Variants in TTN observed in about 807,000 individuals in gnomAD.
TTN encodes titin, also known as connectin.
In TTN, 1,525 loss-of-function variants were observed where a neutral mutation model predicts 3,223.0. The ratio of observed to expected loss-of-function variants is 0.47; its 90% CI spans 0.45 to 0.49. The LOEUF is 0.49. Among genes scored for constraint, TTN ranks in the 20% least tolerant of loss-of-function variants. TTN has a pLI of 0.00. For synonymous variants in TTN, 14,094 were observed against 15,161.0 expected (o/e 0.93, Z 5.17); for missense variants, 40,786 against 43,424.0 (o/e 0.94, Z 5.40).
At position 178,592,943 on chromosome 2, in the gene TTN, C is replaced by T. The variant is rs1356102019; in HGVS notation, c.59176G>A (p.Glu19726Lys). 3.1e-6 allele frequency: 5 copies of T among 1,613,410 alleles called. No individual in the cohort carries two copies. Among genetic ancestry groups the T allele is most frequent in the Non-Finnish European group, 4.2e-6 (5 of 1,179,606 alleles). Residue 19726 changes from glutamate to lysine, a missense_variant, in exon 300 of 363, where the codon GAG becomes AAG. By Grantham distance (56) the Glu-to-Lys change is moderately conservative. Transcript: ENST00000589042. ...IVEYQKVGDE[E>K]WRRANHTPES... The stretch of plus-strand genomic sequence containing the variant: ...GGGGTGTGATTGGCTCTTCTCCACT[C>T]TTCATCTCCAACTTTCTGGTACTCA...
rs751662939 is a variant in TTN at position 178,552,618 on chromosome 2, C to T, written c.90282G>A (p.Lys30094=). The T allele has an allele frequency of 6.2e-7, 1 of 1,613,782 alleles. No individual in the cohort carries two copies. The highest frequency in any genetic ancestry group is 2.2e-5 in the East Asian group (1 of 44,858). ...KTCEIEVSQL[K]EQSVLEFRVF... ...CTCTGAACTCCAGGACTGACTGCTCCTTAAGTTGGCTAACCTCAATTTCAC... is the reference window on the plus strand; with the variant it reads ...CTCTGAACTCCAGGACTGACTGCTCTTTAAGTTGGCTAACCTCAATTTCAC... The change falls in exon 335 of 363, where the codon AAG becomes AAA. Residue 30094 remains lysine, a synonymous_variant. Coordinates refer to ENST00000589042, the MANE Select transcript of TTN (RefSeq NM_001267550.2).
rs773396552 is a variant in TTN at position 178,602,387 on chromosome 2, G to T, written c.55015C>A (p.Leu18339Met). The change falls in exon 283 of 363, where the codon CTG (leucine) becomes ATG (methionine). Residue 18339 changes from leucine to methionine, a missense_variant. Physicochemically the swap from Leu to Met is conservative, Grantham distance 15. Transcript: ENST00000589042. ...ITTCECVVPN[L>M]KELRKYRFRV... is the part of the protein sequence containing the mutation. ...AATCTGTACTTCCTGAGCTCTTTCA[G>T]ATTAGGCACCACACATTCACAGGTA... The T allele has an allele frequency of 3.5e-5, 57 of 1,612,714 alleles. No homozygotes were observed. Among genetic ancestry groups the T allele is most frequent in the Non-Finnish European group, 4.8e-5 (57 of 1,179,306 alleles).
chr2:178,737,028 ACC>A (rs1024166321), intron 49 of TTN, among the ~76,000 whole-genome samples: 2 of 151,492 alleles, frequency 1.3e-5, no homozygotes, highest in African/African-American at 4.9e-5. Flanking sequence ...CTGTACCTCT[ACC>A]CCTGTCCTCA....
Position 178,791,415 on chromosome 2 carries a change from A to C in TTN, c.1663-570T>G, listed in dbSNP as rs148148323. ...CTTTGACATGGAAGAATTCAAGATA[A>C]ATGCCTCTCTCCTGACACTTAAAGG... On this transcript the variant is annotated intron_variant, in intron 10 of 362. Transcript: ENST00000589042. Among the ~76,000 whole-genome samples, 312 of 152,258 alleles carry C rather than the reference A, an allele frequency of 2.0e-3. 7 individuals are homozygous for C. The South Asian group carries it at 0.025, about 12-fold the overall frequency.
chr2:178,653,268 G>A lies in TTN; in HGVS notation c.38761C>T (p.Pro12921Ser), dbSNP rs1277799558. The A allele has an allele frequency of 1.2e-6, 2 of 1,612,450 alleles. No individual in the cohort carries two copies. Among genetic ancestry groups the A allele is most frequent in the Non-Finnish European group, 1.7e-6 (2 of 1,179,456 alleles). The change falls in exon 198 of 363, where the codon CCT (proline) becomes TCT (serine). Residue 12921 changes from proline (P) to serine (S), a missense_variant. Physicochemically the swap from Pro to Ser is moderately conservative, Grantham distance 74. Transcript: ENST00000589042. The part of the protein sequence containing the change: ...VLEKKVPLAP[P>S]KKPEVPPVKV... ...ACAGGTGGGACTTCAGGCTTTTTAG[G>A]AGGAGCCAAGGGCACTTTCTTTTCA...
intron 15 of TTN, among the ~76,000 whole-genome samples, chr2:178,785,154 C>T (rs993891363): frequency 6.6e-6 from 1 of 152,152 alleles, no homozygotes; most frequent in African/African-American, 2.4e-5. Context: ...GACCACCATA[C>T]AGTACCACCT....
rs1698365968 is a variant in TTN at position 178,549,213 on chromosome 2, G to A, written c.92413C>T (p.Pro30805Ser). The change falls in exon 339 of 363, where the codon CCT becomes TCT. Residue 30805 changes from proline (P) to serine (S), a missense_variant. Coordinates refer to ENST00000589042, the MANE Select transcript of TTN (RefSeq NM_001267550.2). ...ATGAGTCTTGAGATGCCACTTGCAG[G>A]TCCAACTCCTGCAGCATTTTCAGCC... is the stretch of plus-strand genomic sequence containing the variant. ...VMAENAAGVG[P>S]ASGISRLIKC... 1 of 1,613,678 alleles carries A rather than the reference G, an allele frequency of 6.2e-7. No individual in the cohort carries two copies. Among genetic ancestry groups the A allele is most frequent in the Non-Finnish European group, 8.5e-7 (1 of 1,179,838 alleles).
At chr2:178,596,901 T>C (rs2051816555) in intron 294 of TTN, among the ~76,000 whole-genome samples, 1 of 152,086 alleles carries the variant, frequency 6.6e-6, no homozygotes, top group Non-Finnish European at 1.5e-5. Context: ...AGTTCAACTC[T>C]ATATTCAGTG....
In TTN at chr2:178,568,485, T is replaced by C. The variant is rs769245498; in HGVS notation, c.77647A>G (p.Ile25883Val). The C allele has an allele frequency of 1.2e-6, 2 of 1,613,450 alleles. No homozygotes were observed. Among genetic ancestry groups the C allele is most frequent in the South Asian group, 2.2e-5 (2 of 91,070 alleles). The change falls in exon 326 of 363, where the codon ATC becomes GTC. Residue 25883 changes from isoleucine to valine, a missense_variant. Physicochemically the swap from Ile to Val is conservative, Grantham distance 29 (BLOSUM62 3). Coordinates refer to ENST00000589042, the MANE Select transcript of TTN (RefSeq NM_001267550.2). ...ANVVGQKTAS[I>V]EIVTLDKPDP... Reference sequence around the variant, plus strand: ...GGTTTATCTAGAGTTACAATTTCGATGGATGCTGTCTTCTGACCAACAACA... The same window carrying C: ...GGTTTATCTAGAGTTACAATTTCGACGGATGCTGTCTTCTGACCAACAACA...
chr2:178,793,135 T>C (rs1025303862), intron 9 of TTN, among the ~76,000 whole-genome samples: 1 of 152,236 alleles, frequency 6.6e-6, no homozygotes, highest in African/African-American at 2.4e-5. Context: ...TTATACTTAG[T>C]GCATCCCCAG....
rs761591533 is a variant in TTN, at chr2:178,553,505, G to C, written c.89500C>G (p.Leu29834Val). The C allele has an allele frequency of 6.2e-7, 1 of 1,607,786 alleles. No individual in the cohort carries two copies. The highest frequency in any genetic ancestry group is 1.3e-5 in the African/African-American group (1 of 74,658). ...AATCAAACCAGTAGGTACATACCAA[G>C]TATATCTTTAGCTTGTACAGGTTCA... ...MNEPVQAKDI[L>V]EAPEIDLDVA... Residue 29834 changes from leucine to valine, a missense_variant, in exon 334 of 363, where the codon CTT becomes GTT. By Grantham distance (32) the Leu-to-Val change is conservative. Transcript: ENST00000589042.
Position 178,768,927 on chromosome 2 carries a change from A to G in TTN, c.8909T>C (p.Met2970Thr). Reference sequence around the variant, plus strand: ...GATGTCTTTCAGCATGGAAGTAATCATGATTGCTGCAAAGGAGAAAAGAAA... The same window carrying G: ...GATGTCTTTCAGCATGGAAGTAATCGTGATTGCTGCAAAGGAGAAAAGAAA... Reference protein sequence around the residue: ...VSATLTVTPIMITSMLKDINA... With the variant: ...VSATLTVTPITITSMLKDINA... Residue 2970 changes from methionine to threonine, a missense_variant, in exon 38 of 363, where the codon ATG becomes ACG. Coordinates refer to ENST00000589042, the MANE Select transcript of TTN (RefSeq NM_001267550.2). 6.2e-7 allele frequency: 1 copy of G among 1,613,804 alleles called. No homozygotes were observed. The highest frequency in any genetic ancestry group is 8.5e-7 in the Non-Finnish European group (1 of 1,179,994).
chr2:178,772,344 T>G (rs2154343881), intron 33 of TTN, among the ~76,000 whole-genome samples: 1 of 152,258 alleles, frequency 6.6e-6, no homozygotes, highest in East Asian at 1.9e-4. Flanking sequence ...TATGACTTGC[T>G]TCAATACTAG....
chr2:178,780,302 T>A, intron 21 of TTN, 97 bp from the exon 22 acceptor site: 1 of 1,204,512 alleles, frequency 8.3e-7, no homozygotes, highest in South Asian at 1.3e-5. Context: ...GGAAAGTTGA[T>A]AACCAAAAAC....
At chr2:178,782,489 T>C in intron 19 of TTN, 50 bp downstream of exon 19, 1 of 1,613,748 alleles carries the variant, frequency 6.2e-7, no homozygotes, top group Non-Finnish European at 8.5e-7. Flanking sequence ...CTGGTGGGGC[T>C]GAAAGTCAAA....
At position 178,748,190 on chromosome 2, in the gene TTN, G is replaced by C. The variant is rs749114569; in HGVS notation, c.11311+4934C>G. On this transcript the variant is annotated intron_variant, in intron 47 of 362. Coordinates refer to ENST00000589042, the MANE Select transcript of TTN (RefSeq NM_001267550.2). ...TTCTTCTATATCTGCAGATGAGGTT[G>C]GAAGTAGGGCACATGATTCACTATA... The C allele has an allele frequency of 2.4e-5, 39 of 1,612,982 alleles. No individual in the cohort carries two copies. The Admixed American group carries it at 2.5e-4, about 10-fold the overall frequency.
chr2:178,708,906 T>C (rs2742333), intron 99 of TTN, among the ~76,000 whole-genome samples: 7,359 of 152,276 alleles, frequency 0.048, 300 homozygotes, highest in East Asian at 0.19. Context: ...TTGTAATTAC[T>C]GGAAGCCATT....
In TTN at chr2:178,569,758, T is replaced by C. The variant is rs891629905; in HGVS notation, c.76374A>G (p.Pro25458=). 3 of 1,613,184 alleles carry C rather than the reference T, an allele frequency of 1.9e-6. No homozygotes were observed. The highest frequency in any genetic ancestry group is 1.7e-6 in the Non-Finnish European group (2 of 1,179,624). Reference sequence around the variant, plus strand: ...CTATGTTTGTTTTATTAATTCCTGTTGGTGGAGTGCACATTGTCCATTCAC... The same window carrying C: ...CTATGTTTGTTTTATTAATTCCTGTCGGTGGAGTGCACATTGTCCATTCAC... ...SVGEWTMCTP[P]TGINKTNIEV... The change falls in exon 326 of 363, where the codon CCA becomes CCG. Residue 25458 remains proline (P), a synonymous_variant. Transcript: ENST00000589042.
chr2:178,559,274 C>T (rs753859303), intron 326 of TTN, 37 bp downstream of exon 326: 34 of 1,512,292 alleles, frequency 2.2e-5, no homozygotes, highest in African/African-American at 7.0e-5. Context: ...GCAAAATTAA[C>T]GTGGATATGT....
Sources: allele counts gnomAD v4.1 joint callset (sites outside exome capture counted in the v4.1 genomes callset), GRCh38; gene constraint gnomAD v4.1.1; transcripts MANE v1.5; gene names NCBI Gene and HGNC (gene_info 2026-07-23, HGNC 2026-07-21).